Variants in CTTN observed in about 807,000 individuals in gnomAD.
CTTN encodes the protein src substrate cortactin.
In CTTN, 28 loss-of-function variants were observed where a neutral mutation model predicts 84.0. The ratio of observed to expected loss-of-function variants is 0.33; its 90% CI spans 0.25 to 0.46. The LOEUF is 0.46. CTTN is among the 20% of genes least tolerant of loss of function. CTTN has a pLI of 1.00. For synonymous variants in CTTN, 301 were observed against 288.8 expected (o/e 1.04, Z -0.43); for missense variants, 641 against 723.8 (o/e 0.89, Z 1.31).
chr11:70,436,501 C>A lies in CTTN; in HGVS notation c.*1339C>A. On this transcript the variant is annotated 3_prime_UTR_variant, in exon 18 of 18. Transcript: ENST00000301843. ...GGGTTTTATATGCAACTTATTGTAT[C>A]TGAATTCCTGTAGCACACCTCATAG... is the stretch of plus-strand genomic sequence containing the variant. 9.4e-7 allele frequency: 1 copy of A among 1,064,384 alleles called. No homozygotes were observed. The allele number at this position is 1,064,384 out of a possible 1,614,324, so 65.9% of individuals were successfully genotyped here. A position where few individuals can be genotyped will look rare whatever the true frequency, so the allele number is the denominator to read the frequency against.
At chr11:70,426,622 G>A (rs1161439803) in intron 13 of CTTN, among the ~76,000 whole-genome samples, 3 of 149,240 alleles carry the variant, frequency 2.0e-5, no homozygotes, top group Non-Finnish European at 3.0e-5. Flanking sequence ...TCACTTTGTC[G>A]CCCAGGCTGG....
At chr11:70,434,856 C>A (rs1395863769) in intron 17 of CTTN, among the ~76,000 whole-genome samples, 170 bp from the exon 18 acceptor site, 2 of 152,236 alleles carry the variant, frequency 1.3e-5, no homozygotes, top group Non-Finnish European at 2.9e-5. Flanking sequence ...TTCACAAATC[C>A]TGGCCTTGGT....
intron 8 of CTTN, among the ~76,000 whole-genome samples, 173 bp from the exon 9 acceptor site, chr11:70,419,573 G>T (rs1272874135): frequency 6.6e-6 from 1 of 152,140 alleles, no homozygotes; most frequent in African/African-American, 2.4e-5. Flanking sequence ...GGTTACCACT[G>T]TTTGTGTTTC....
At chr11:70,403,331 G>A (rs1465414303) in intron 1 of CTTN, among the ~76,000 whole-genome samples, 1 of 151,932 alleles carries the variant, frequency 6.6e-6, no homozygotes, top group Non-Finnish European at 1.5e-5. Flanking sequence ...TGGGACTACA[G>A]GCATGCGTCA....
chr11:70,411,505 T>C (rs951164887), intron 5 of CTTN, among the ~76,000 whole-genome samples: 56 of 152,224 alleles, frequency 3.7e-4, no homozygotes, highest in Non-Finnish European at 1.2e-4. Context: ...CCTTTCCCAC[T>C]GCAGACTGAG....
At chr11:70,421,377 CTG>C (rs1173872575) in intron 10 of CTTN, 91 bp from the exon 11 acceptor site, 4 of 905,756 alleles carry the variant, frequency 4.4e-6, no homozygotes, top group African/African-American at 3.3e-5. Context: ...TTTCTGGAAA[CTG>C]TGTTTGATTT....
At chr11:70,401,366 C>T (rs571315173) in intron 1 of CTTN, among the ~76,000 whole-genome samples, 13 of 152,158 alleles carry the variant, frequency 8.5e-5, no homozygotes, top group African/African-American at 3.1e-4. Context: ...GTCCCAGCCA[C>T]TCAGGAGGCT....
chr11:70,413,657 G>A (rs544340937), intron 5 of CTTN, among the ~76,000 whole-genome samples: 2 of 152,286 alleles, frequency 1.3e-5, no homozygotes, highest in African/African-American at 4.8e-5. Flanking sequence ...AAACCTGTGT[G>A]CGCTGATGGG....
chr11:70,411,959 T>G (rs1316946773), intron 5 of CTTN, among the ~76,000 whole-genome samples: 1 of 152,148 alleles, frequency 6.6e-6, no homozygotes, highest in Non-Finnish European at 1.5e-5. Context: ...GCCAGTGCTC[T>G]CATGGAACCA....
At chr11:70,415,471 C>G (rs1016657374) in intron 6 of CTTN, among the ~76,000 whole-genome samples, 192 bp from the exon 7 acceptor site, 8 of 152,212 alleles carry the variant, frequency 5.3e-5, no homozygotes, top group Non-Finnish European at 1.0e-4. Context: ...CTGGGCCTTG[C>G]AGTGGGCCTG....
chr11:70,431,012 C>G (rs1231559339), intron 14 of CTTN, among the ~76,000 whole-genome samples, 179 bp from the exon 15 acceptor site: 1 of 152,066 alleles, frequency 6.6e-6, no homozygotes, highest in Admixed American at 6.6e-5. Flanking sequence ...CCCTCGGATC[C>G]TGCTGGGGTG....
intron 14 of CTTN, among the ~76,000 whole-genome samples, chr11:70,430,352 C>G (rs1210180587): frequency 6.6e-6 from 1 of 152,256 alleles, no homozygotes; most frequent in Admixed American, 6.5e-5. Flanking sequence ...CCACCACACA[C>G]AGCACACAGC....
chr11:70,398,871 G>A (rs1448065953), intron 1 of CTTN, among the ~76,000 whole-genome samples: 1 of 151,888 alleles, frequency 6.6e-6, no homozygotes, highest in African/African-American at 2.4e-5. Context: ...AAGGGGGCAC[G>A]GAGGGCTTGG....
chr11:70,399,628 C>T (rs929930199), intron 1 of CTTN, among the ~76,000 whole-genome samples: 1 of 152,178 alleles, frequency 6.6e-6, no homozygotes, highest in South Asian at 2.1e-4. Flanking sequence ...TGTTACGTTT[C>T]CATCACCTGG....
At chr11:70,428,973 CTG>C in intron 13 of CTTN, 76 bp from the exon 14 acceptor site, 1 of 1,557,534 alleles carries the variant, frequency 6.4e-7, no homozygotes, top group Non-Finnish European at 8.8e-7. Flanking sequence ...GGAGGTCACT[CTG>C]TGTGGGTGGG....
chr11:70,415,529 C>G (rs2058148091), intron 6 of CTTN, 134 bp from the exon 7 acceptor site: 2 of 840,444 alleles, frequency 2.4e-6, no homozygotes, highest in Admixed American at 1.9e-5. Context: ...CTGCACCTGG[C>G]TTAGGAACCC....
At chr11:70,400,749 T>C (rs936371734) in intron 1 of CTTN, among the ~76,000 whole-genome samples, 1 of 152,260 alleles carries the variant, frequency 6.6e-6, no homozygotes, top group Non-Finnish European at 1.5e-5. Context: ...TGCTGCCTTG[T>C]GTTGCAGTAT....
At chr11:70,418,259 T>TG (rs1565493471) in intron 8 of CTTN, among the ~76,000 whole-genome samples, 64 of 152,270 alleles carry the variant, frequency 4.2e-4, no homozygotes, top group African/African-American at 1.5e-3. Flanking sequence ...GGCCTGGCCT[T>TG]GCCTTCCTGC....
intron 4 of CTTN, among the ~76,000 whole-genome samples, chr11:70,409,212 A>G (rs1320097823): frequency 1.3e-5 from 2 of 152,176 alleles, no homozygotes; most frequent in Non-Finnish European, 2.9e-5. Flanking sequence ...CCGAATGCCA[A>G]AGTGGCCTTC....
Sources: allele counts gnomAD v4.1 joint callset (sites outside exome capture counted in the v4.1 genomes callset), GRCh38; gene constraint gnomAD v4.1.1; transcripts MANE v1.5; gene names NCBI Gene and HGNC (gene_info 2026-07-23, HGNC 2026-07-21).